LUZP2: variants seen among roughly 807,000 people sequenced by gnomAD.
LUZP2 encodes the protein leucine zipper protein 2.
Under a neutral mutation model 51.6 loss-of-function variants are expected in LUZP2, and 52 were observed. The ratio of observed to expected loss-of-function variants is 1.01; its 90% confidence interval spans 0.81 to 1.27. The LOEUF is 1.27. Among genes scored for constraint, LUZP2 ranks in the 50% most tolerant of loss-of-function variants. The pLI is 0.00. For missense variants in LUZP2, 436 were observed against 395.4 expected, an observed-to-expected ratio of 1.10 and a Z score of -0.87; for synonymous variants, 154 against 137.3, an observed-to-expected ratio of 1.12 and a Z score of -0.85.
chr11:24,602,339 T>TACATATATACACAC (rs1853757365), intron 1 of LUZP2, among the ~76,000 whole-genome samples: 2 of 87,064 alleles, frequency 2.3e-5, no homozygotes, highest in Non-Finnish European at 5.0e-5. Context: ...TATATATACA[T>TACATATATACACAC]ATATATGTAT....
At position 24,764,201 on chromosome 11, in the gene LUZP2, G is replaced by A. The variant is rs146665964; in HGVS notation, c.396+893G>A. On this transcript the variant is annotated intron_variant, in intron 5 of 11. Coordinates refer to ENST00000336930, the MANE Select transcript of LUZP2 (RefSeq NM_001009909.4). ...TACATTTATATATGCACATGCACAC[G>A]TGCGTGGGCGCGTACACACACAATC... Among the ~76,000 whole-genome samples the A allele has an allele frequency of 7.9e-3, 1,198 of 152,264 alleles. 6 individuals are homozygous for A. Among genetic ancestry groups the A allele is most frequent in the Non-Finnish European group, 0.013 (866 of 68,016 alleles).
At chr11:24,741,229 G>C (rs1220458575) in intron 4 of LUZP2, among the ~76,000 whole-genome samples, 2 of 151,832 alleles carry the variant, frequency 1.3e-5, no homozygotes, top group Non-Finnish European at 1.5e-5. Flanking sequence ...GAGTGACCTC[G>C]GGTTCTCAGA....
chr11:24,960,408 A>G (rs1291746135), intron 7 of LUZP2, among the ~76,000 whole-genome samples: 2 of 152,054 alleles, frequency 1.3e-5, no homozygotes, highest in African/African-American at 4.8e-5. Context: ...TAAGCTATTG[A>G]TTATTGCCTC....
chr11:25,037,073 G>A (rs1584196), intron 9 of LUZP2, among the ~76,000 whole-genome samples: 72,986 of 151,882 alleles, frequency 0.48, 17,855 homozygotes, highest in Non-Finnish European at 0.51. Flanking sequence ...TCTCATGATT[G>A]TTGTGTTTTG....
At chr11:24,546,627 T>C (rs1049721121) in intron 1 of LUZP2, among the ~76,000 whole-genome samples, 2 of 152,108 alleles carry the variant, frequency 1.3e-5, no homozygotes, top group African/African-American at 4.8e-5. Flanking sequence ...TAAAGCCCAC[T>C]TTACTGTGGT....
At chr11:24,563,981 GA>G (rs1852139225) in intron 1 of LUZP2, among the ~76,000 whole-genome samples, 1 of 152,066 alleles carries the variant, frequency 6.6e-6, no homozygotes, top group African/African-American at 2.4e-5. Flanking sequence ...TAAAGCCTAG[GA>G]AAAGTAAGTT....
intron 9 of LUZP2, among the ~76,000 whole-genome samples, chr11:25,000,833 T>C (rs979750665): frequency 1.3e-5 from 2 of 152,200 alleles, no homozygotes; most frequent in South Asian, 4.1e-4. Context: ...TCACTGCTGC[T>C]AAAGAGTCTA....
intron 1 of LUZP2, among the ~76,000 whole-genome samples, chr11:24,542,693 T>C (rs1158764754): frequency 4.6e-5 from 7 of 151,834 alleles, no homozygotes; most frequent in Non-Finnish European, 1.0e-4. Context: ...TTTGGCAGTA[T>C]GCTAGTTTGC....
At chr11:24,657,027 T>A (rs4322393) in intron 1 of LUZP2, among the ~76,000 whole-genome samples, 27,399 of 152,152 alleles carry the variant, frequency 0.18, 2,622 homozygotes, top group East Asian at 0.34. Context: ...ATGGAGATAA[T>A]ATTCTGATAA....
At chr11:24,905,149 G>A (rs1853406702) in intron 5 of LUZP2, among the ~76,000 whole-genome samples, 2 of 152,092 alleles carry the variant, frequency 1.3e-5, no homozygotes, top group Non-Finnish European at 2.9e-5. Flanking sequence ...GGAGATATTT[G>A]TTGTGATGTA....
intron 9 of LUZP2, among the ~76,000 whole-genome samples, chr11:24,986,602 T>C (rs2133919956): frequency 6.6e-6 from 1 of 151,080 alleles, no homozygotes; most frequent in East Asian, 2.0e-4. Context: ...GCATTATAGA[T>C]AATATACAAA....
At chr11:24,535,834 G>C (rs1851160362) in intron 1 of LUZP2, among the ~76,000 whole-genome samples, 1 of 151,572 alleles carries the variant, frequency 6.6e-6, no homozygotes, top group South Asian at 2.1e-4. Context: ...ATCCTTTCGA[G>C]GTTTAAAATT....
At chr11:24,542,115 G>A (rs1851386239) in intron 1 of LUZP2, among the ~76,000 whole-genome samples, 1 of 152,104 alleles carries the variant, frequency 6.6e-6, no homozygotes, top group Admixed American at 6.6e-5. Flanking sequence ...TGGAAGGAGA[G>A]TCTGCTAGGA....
intron 7 of LUZP2, among the ~76,000 whole-genome samples, chr11:24,945,429 A>G (rs755740681): frequency 6.6e-6 from 1 of 151,844 alleles, no homozygotes; most frequent in Non-Finnish European, 1.5e-5. Context: ...CTGAATTATG[A>G]CAGGGCTCCC....
At chr11:24,781,473 A>G (rs893300138) in intron 5 of LUZP2, among the ~76,000 whole-genome samples, 2 of 152,018 alleles carry the variant, frequency 1.3e-5, no homozygotes, top group Non-Finnish European at 2.9e-5. Context: ...CCTCAAAACA[A>G]TATTAGGTCC....
At chr11:24,632,014 T>G (rs1854911521) in intron 1 of LUZP2, among the ~76,000 whole-genome samples, 1 of 152,022 alleles carries the variant, frequency 6.6e-6, no homozygotes, top group African/African-American at 2.4e-5. Context: ...CAAAATGTAA[T>G]ATGGATAGGC....
intron 5 of LUZP2, among the ~76,000 whole-genome samples, chr11:24,771,413 T>TTTTTTTTTTTTTTTTTTTTTTGAGACGG (rs1860411508): frequency 7.4e-6 from 1 of 135,852 alleles, no homozygotes; most frequent in Non-Finnish European, 1.6e-5. Flanking sequence ...ATGTGATTTT[T>TTTTTTTTTTTTTTTTTTTTTTGAGACGG]AACTTTGCAT....
intron 1 of LUZP2, among the ~76,000 whole-genome samples, chr11:24,598,949 A>G (rs1363263326): frequency 1.3e-5 from 2 of 152,084 alleles, no homozygotes; most frequent in African/African-American, 2.4e-5. Flanking sequence ...AAACGGCCAA[A>G]TGTTTTGTTG....
chr11:24,699,981 T>A (rs555389736), intron 1 of LUZP2, among the ~76,000 whole-genome samples: 3 of 151,512 alleles, frequency 2.0e-5, no homozygotes, highest in African/African-American at 7.2e-5. Context: ...ACAATTTTAC[T>A]TTTCAAATTT....
Sources: allele counts gnomAD v4.1 joint callset (sites outside exome capture counted in the v4.1 genomes callset), GRCh38; gene constraint gnomAD v4.1.1; transcripts MANE v1.5; gene names NCBI Gene and HGNC (gene_info 2026-07-23, HGNC 2026-07-21).